Variants in VPS54 observed in about 807,000 individuals in gnomAD.
VPS54 encodes the protein vacuolar protein sorting-associated protein 54.
A neutral mutation model predicts 121.5 loss-of-function variants in VPS54; 45 were observed. That is an observed-to-expected ratio of 0.37 (90% CI 0.29 to 0.47). The LOEUF (loss-of-function observed/expected upper bound fraction) is 0.47, where lower values mean the gene tolerates loss of function less well. Among genes scored for constraint, VPS54 ranks in the 20% least tolerant of loss-of-function variants. The probability of loss-of-function intolerance (pLI) is 0.99; values close to 1 mark genes in which losing one functional copy is unlikely to be tolerated. For missense variants in VPS54, 1,090 were observed against 1,131.4 expected (o/e 0.96, Z 0.52); for synonymous variants, 371 against 385.8 (o/e 0.96, Z 0.45).
In VPS54 at chr2:63,944,669, G is replaced by C. The variant is rs1305117642; in HGVS notation, c.1246-14C>G. On this transcript the variant is annotated splice_polypyrimidine_tract_variant and intron_variant, in intron 9 of 22. Transcript: ENST00000272322. ...ATTAATCACACACTGCAAAATTTAA[G>C]AAAAAACAAAAACAATTTGATTAAT... 2.5e-6 allele frequency: 4 copies of C among 1,592,102 alleles called. No homozygotes were observed. Among genetic ancestry groups the C allele is most frequent in the Non-Finnish European group, 2.6e-6 (3 of 1,169,508 alleles).
intron 22 of VPS54, among the ~76,000 whole-genome samples, chr2:63,894,198 AACTACTCC>A (rs1672343790): frequency 6.6e-6 from 1 of 152,210 alleles, no homozygotes; most frequent in Non-Finnish European, 1.5e-5. Flanking sequence ...AATTCTCACA[AACTACTCC>A]ACTAATGTGG....
At chr2:63,966,135 T>C (rs1204240119) in intron 5 of VPS54, among the ~76,000 whole-genome samples, 169 bp from the exon 6 acceptor site, 2 of 152,212 alleles carry the variant, frequency 1.3e-5, no homozygotes, top group Non-Finnish European at 2.9e-5. Context: ...GAAAAATGTG[T>C]AAATTTCTCA....
chr2:63,897,905 A>G (rs970903146), intron 21 of VPS54, among the ~76,000 whole-genome samples: 17 of 152,188 alleles, frequency 1.1e-4, no homozygotes, highest in African/African-American at 3.9e-4. Flanking sequence ...TTGGTAGGGG[A>G]AAAAATGTCA....
intron 1 of VPS54, among the ~76,000 whole-genome samples, chr2:64,018,366 G>A (rs894278050): frequency 1.3e-5 from 2 of 152,156 alleles, no homozygotes; most frequent in African/African-American, 4.8e-5. Flanking sequence ...CCAAGTCAAC[G>A]ACGGGAGAGC....
At chr2:63,907,893 A>G (rs992929634) in intron 20 of VPS54, among the ~76,000 whole-genome samples, 10 of 152,198 alleles carry the variant, frequency 6.6e-5, no homozygotes, top group African/African-American at 2.4e-4. Context: ...CTACAAGAGG[A>G]CGAACATTAA....
At chr2:64,010,403 A>T (rs1678375462) in intron 1 of VPS54, among the ~76,000 whole-genome samples, 1 of 152,234 alleles carries the variant, frequency 6.6e-6, no homozygotes, top group Admixed American at 6.5e-5. Flanking sequence ...ACCACACTGT[A>T]ATGTCCTACC....
intron 4 of VPS54, among the ~76,000 whole-genome samples, chr2:63,969,192 G>C (rs1299538439): frequency 6.6e-6 from 1 of 152,118 alleles, no homozygotes; most frequent in Non-Finnish European, 1.5e-5. Flanking sequence ...TCAGGTAATT[G>C]TAATCAATTA....
chr2:63,987,020 A>G (rs764208810), intron 1 of VPS54, among the ~76,000 whole-genome samples: 6 of 152,064 alleles, frequency 3.9e-5, no homozygotes, highest in Non-Finnish European at 8.8e-5. Context: ...ATTCTGTGGG[A>G]TGTCTCCTCA....
intron 1 of VPS54, 35 bp from the exon 2 acceptor site, chr2:63,984,054 G>A (rs187740299): frequency 6.7e-5 from 100 of 1,495,666 alleles, no homozygotes; most frequent in Admixed American, 4.7e-4. Flanking sequence ...TTAAGACACC[G>A]CAAATCAAAA....
intron 12 of VPS54, among the ~76,000 whole-genome samples, chr2:63,926,422 A>G (rs905889567): frequency 6.6e-6 from 1 of 152,166 alleles, no homozygotes; most frequent in African/African-American, 2.4e-5. Context: ...TGTACTGAAG[A>G]GCAGTGTTAT....
chr2:63,976,359 A>C (rs1407248185), intron 3 of VPS54, among the ~76,000 whole-genome samples: 10 of 151,606 alleles, frequency 6.6e-5, no homozygotes, highest in Non-Finnish European at 1.2e-4. Flanking sequence ...TCAAAAAAAA[A>C]AAAAACAAAA....
At chr2:63,967,257 G>GAC (rs1394440902) in intron 5 of VPS54, among the ~76,000 whole-genome samples, 1 of 152,074 alleles carries the variant, frequency 6.6e-6, no homozygotes, top group Non-Finnish European at 1.5e-5. Flanking sequence ...CTAGAGACAT[G>GAC]AGTAAATTTT....
chr2:63,932,583 C>T (rs1456398668), intron 12 of VPS54, among the ~76,000 whole-genome samples: 3 of 151,552 alleles, frequency 2.0e-5, no homozygotes, highest in African/African-American at 7.3e-5. Flanking sequence ...TGCAGCAAAC[C>T]ACCATGGCAC....
intron 14 of VPS54, 79 bp from the exon 15 acceptor site, chr2:63,920,074 A>G: frequency 8.2e-7 from 1 of 1,217,862 alleles, no homozygotes; most frequent in Admixed American, 2.4e-5. Context: ...AAAAGGAAGA[A>G]GAGCTGAGTG....
chr2:63,942,727 C>T (rs1240194494), intron 10 of VPS54, among the ~76,000 whole-genome samples, 166 bp from the exon 11 acceptor site: 1 of 151,884 alleles, frequency 6.6e-6, no homozygotes, highest in African/African-American at 2.4e-5. Context: ...AGAGTTATGG[C>T]TTATTTAAAT....
At chr2:64,008,784 G>C (rs1678289087) in intron 1 of VPS54, among the ~76,000 whole-genome samples, 1 of 151,584 alleles carries the variant, frequency 6.6e-6, no homozygotes, top group Non-Finnish European at 1.5e-5. Flanking sequence ...GGATGACAGG[G>C]AAGAATGAAA....
At chr2:63,909,413 CTTTTTTTTTTT>C (rs5831673) in intron 20 of VPS54, among the ~76,000 whole-genome samples, 2 of 69,930 alleles carry the variant, frequency 2.9e-5, no homozygotes, top group African/African-American at 6.5e-5. Context: ...TATTAGCTGC[CTTTTTTTTTTT>C]TTTTTTTTTT....
intron 7 of VPS54, among the ~76,000 whole-genome samples, chr2:63,958,051 A>C (rs567154876): frequency 6.6e-6 from 1 of 152,328 alleles, no homozygotes; most frequent in East Asian, 1.9e-4. Context: ...AGAGTGGAAT[A>C]AAGTGTCAAG....
intron 1 of VPS54, among the ~76,000 whole-genome samples, chr2:63,988,791 T>C (rs190389299): frequency 7.9e-5 from 12 of 152,056 alleles, no homozygotes; most frequent in Non-Finnish European, 4.4e-5. Flanking sequence ...CAATATGAAA[T>C]CTGGGTACCT....
Sources: gnomAD v4.1 joint callset for allele counts (sites outside exome capture counted in the v4.1 genomes callset) on GRCh38, gnomAD v4.1.1 for gene constraint, MANE v1.5 for transcripts, NCBI Gene and HGNC (gene_info 2026-07-23, HGNC 2026-07-21) for gene names.